LDLRAD4: variants seen among roughly 807,000 people sequenced by gnomAD.
LDLRAD4 encodes low density lipoprotein receptor class A domain containing 4.
LDLRAD4 carries 5 observed loss-of-function variants against 17.0 expected under a neutral mutation model. The ratio of observed to expected loss-of-function variants is 0.29; its 90% CI spans 0.15 to 0.62. The LOEUF (loss-of-function observed/expected upper bound fraction) is 0.62. LDLRAD4 is among the 20% of genes least tolerant of loss of function. The pLI, the probability that LDLRAD4 is intolerant of heterozygous loss-of-function variation, is 0.84. For missense variants in LDLRAD4, 340 were observed against 424.7 expected (o/e 0.80, Z 1.75); for synonymous variants, 168 against 171.8 (o/e 0.98, Z 0.17).
chr18:13,375,494 T>C lies in LDLRAD4; in HGVS notation c.-382-11847T>C, dbSNP rs150868677. ...GCAGTGCGAGTGAGTCACAGCTGGC[T>C]CTGTGTGTTGGGCTGGAAATGAGGG... On this transcript the variant is annotated intron_variant, in intron 1 of 5. Transcript: ENST00000359446. Among the ~76,000 whole-genome samples, 104 of 152,238 alleles carry C rather than the reference T, an allele frequency of 6.8e-4. No homozygotes were observed. The East Asian group carries it at 0.019, about 28-fold the overall frequency.
rs903479511 is a variant in LDLRAD4 at position 13,348,958 on chromosome 18, C to T, written c.-382-38383C>T. Among the ~76,000 whole-genome samples the T allele has an allele frequency of 1.3e-5, 2 of 152,314 alleles. 1 individual carries two copies. Among genetic ancestry groups the T allele is most frequent in the South Asian group, 4.1e-4 (2 of 4,822 alleles). On this transcript the variant is annotated intron_variant, in intron 1 of 5. Transcript: ENST00000359446. Reference sequence around the variant, plus strand: ...AGGGTGGGAGAGTGACCCGATTTTCCAGGTGCCATCTGTCACCCCTTTCCT... The same window carrying T: ...AGGGTGGGAGAGTGACCCGATTTTCTAGGTGCCATCTGTCACCCCTTTCCT...
chr18:13,422,169 A>C (rs2089527822), intron 2 of LDLRAD4, among the ~76,000 whole-genome samples: 1 of 152,194 alleles, frequency 6.6e-6, no homozygotes, highest in Admixed American at 6.5e-5. Flanking sequence ...TGGTCACTGA[A>C]CATTCATGAT....
In LDLRAD4 at chr18:13,595,653, C is replaced by T. The variant is rs561071579; in HGVS notation, c.182-25464C>T. Among the ~76,000 whole-genome samples, 142 of 152,216 alleles carry T rather than the reference C, an allele frequency of 9.3e-4. 1 individual carries two copies. The highest frequency in any genetic ancestry group is 3.1e-3 in the African/African-American group (128 of 41,542). ...TGTCAGCCACCACACCCAGCCGAAT[C>T]CATGTTTTTTTTAAATGTGTATGTT... On this transcript the variant is annotated intron_variant, in intron 3 of 5. Coordinates refer to ENST00000359446, the Ensembl canonical transcript of LDLRAD4.
At chr18:13,504,938 G>C (rs890473) in intron 3 of LDLRAD4, among the ~76,000 whole-genome samples, 138,730 of 152,114 alleles carry the variant, frequency 0.91, 63,738 homozygotes, top group South Asian at 0.97. Context: ...ATGCACCGAC[G>C]AGGGGTGGAT....
At chr18:13,480,830 G>A (rs2093065240) in intron 3 of LDLRAD4, among the ~76,000 whole-genome samples, 1 of 152,234 alleles carries the variant, frequency 6.6e-6, no homozygotes, top group Non-Finnish European at 1.5e-5. Flanking sequence ...TAAGTGACCT[G>A]GAGTAGGAAG....
intron 4 of LDLRAD4, among the ~76,000 whole-genome samples, chr18:13,639,374 C>G (rs948045014): frequency 1.3e-5 from 2 of 152,204 alleles, no homozygotes; most frequent in Non-Finnish European, 2.9e-5. Flanking sequence ...GCACAAGCCC[C>G]TTGGAGGACA....
rs536256125 is a variant in LDLRAD4, at chr18:13,552,431, A to T, written c.182-68686A>T. Among the ~76,000 whole-genome samples the T allele has an allele frequency of 7.9e-5, 12 of 152,356 alleles. No individual in the cohort carries two copies. The South Asian group carries it at 2.3e-3, about 29-fold the overall frequency. ...CTGCCTTAGCTGGACCTGGAAGGACAGTGCACTATCTCTAGACCTGGGCTT... is the reference window on the plus strand; with the variant it reads ...CTGCCTTAGCTGGACCTGGAAGGACTGTGCACTATCTCTAGACCTGGGCTT... On this transcript the variant is annotated intron_variant, in intron 3 of 5. Coordinates refer to ENST00000359446, the Ensembl canonical transcript of LDLRAD4.
At chr18:13,422,533 A>G (rs1476871327) in intron 2 of LDLRAD4, among the ~76,000 whole-genome samples, 2 of 146,896 alleles carry the variant, frequency 1.4e-5, no homozygotes, top group African/African-American at 5.3e-5. Flanking sequence ...CCCCATCTCT[A>G]CCAAAAAAAA....
chr18:13,455,586 T>C (rs2146459676), intron 3 of LDLRAD4, among the ~76,000 whole-genome samples: 1 of 152,238 alleles, frequency 6.6e-6, no homozygotes, highest in East Asian at 1.9e-4. Context: ...TGGGTCGTCA[T>C]TCCCTCTGAT....
At chr18:13,576,896 G>A (rs147317480) in intron 3 of LDLRAD4, among the ~76,000 whole-genome samples, 2 of 152,352 alleles carry the variant, frequency 1.3e-5, no homozygotes, top group East Asian at 3.9e-4. Flanking sequence ...CTGAGCAGAC[G>A]GGAGGACCTG....
chr18:13,478,166 C>T (rs1305772235), intron 3 of LDLRAD4, among the ~76,000 whole-genome samples: 2 of 152,216 alleles, frequency 1.3e-5, no homozygotes, highest in African/African-American at 4.8e-5. Flanking sequence ...ACCCTCTTGA[C>T]TCGGGGTTGT....
chr18:13,580,615 T>C (rs2094843025), intron 3 of LDLRAD4, among the ~76,000 whole-genome samples: 1 of 152,106 alleles, frequency 6.6e-6, no homozygotes, highest in Admixed American at 6.5e-5. Context: ...CGGTGGCCAC[T>C]GCTGACAGAG....
intron 3 of LDLRAD4, among the ~76,000 whole-genome samples, chr18:13,600,407 G>C (rs1479160001): frequency 6.6e-6 from 1 of 152,190 alleles, no homozygotes; most frequent in Non-Finnish European, 1.5e-5. Flanking sequence ...ACAGCTGTGT[G>C]ACTCAAGATG....
At chr18:13,285,460 G>A (rs2045567530) in intron 1 of LDLRAD4, among the ~76,000 whole-genome samples, 1 of 152,180 alleles carries the variant, frequency 6.6e-6, no homozygotes, top group Admixed American at 6.5e-5. Context: ...CTTAACATGG[G>A]GGCCATTGGA....
chr18:13,541,109 C>T (rs887786060), intron 3 of LDLRAD4, among the ~76,000 whole-genome samples: 3 of 152,318 alleles, frequency 2.0e-5, no homozygotes, highest in Non-Finnish European at 4.4e-5. Flanking sequence ...CCAAAGCCAG[C>T]CCGACCCCGC....
intron 3 of LDLRAD4, among the ~76,000 whole-genome samples, chr18:13,606,284 A>G (rs1011860808): frequency 4.6e-5 from 7 of 152,208 alleles, no homozygotes; most frequent in African/African-American, 1.4e-4. Context: ...ATGAAAATCT[A>G]TACCACCATA....
intron 3 of LDLRAD4, among the ~76,000 whole-genome samples, chr18:13,443,709 T>TCGTCTCCTCCTC (rs1555688240): frequency 2.0e-5 from 3 of 151,298 alleles, no homozygotes; most frequent in Admixed American, 2.0e-4. Context: ...GTCGTCGTCG[T>TCGTCTCCTCCTC]CTCCTCCTCC....
intron 3 of LDLRAD4, among the ~76,000 whole-genome samples, chr18:13,499,835 C>T (rs1221445355): frequency 6.6e-6 from 1 of 152,260 alleles, no homozygotes; most frequent in Non-Finnish European, 1.5e-5. Context: ...CCACACACGT[C>T]CTGCTGTGAA....
At chr18:13,405,234 T>C (rs912441505) in intron 2 of LDLRAD4, among the ~76,000 whole-genome samples, 4 of 152,260 alleles carry the variant, frequency 2.6e-5, no homozygotes, top group African/African-American at 7.2e-5. Flanking sequence ...GTCTCCACAG[T>C]GACTTCAAGA....
Sources: allele counts gnomAD v4.1 joint callset (sites outside exome capture counted in the v4.1 genomes callset), GRCh38; gene constraint gnomAD v4.1.1; transcripts MANE v1.5; gene names NCBI Gene and HGNC (gene_info 2026-07-23, HGNC 2026-07-21).